The following SGSM2 variants were observed in gnomAD, a reference collection of about 807,000 sequenced individuals.
SGSM2 encodes the protein RUN and TBC1 domain containing 1.
SGSM2 carries 89 observed loss-of-function variants against 126.6 expected under a neutral mutation model. That is an observed-to-expected ratio of 0.70 (90% CI 0.59 to 0.84). The LOEUF is 0.84. SGSM2 is among the 40% of genes least tolerant of loss of function. SGSM2 has a pLI of 0.00. For missense variants in SGSM2, 1,404 were observed against 1,416.6 expected (o/e 0.99, Z 0.14); for synonymous variants, 614 against 574.3 (o/e 1.07, Z -0.99).
chr17:2,343,613 T>G lies in SGSM2; in HGVS notation c.126T>G (p.Ala42=), dbSNP rs772072333. The G allele has an allele frequency of 6.2e-7, 1 of 1,613,852 alleles. No homozygotes were observed. The highest frequency in any genetic ancestry group is 1.1e-5 in the South Asian group (1 of 91,068). Residue 42 remains alanine, a synonymous_variant, in exon 2 of 24, where the codon GCT becomes GCG. Coordinates refer to ENST00000268989, the MANE Select transcript of SGSM2 (RefSeq NM_014853.3). The stretch of plus-strand genomic sequence containing the variant: ...ATGAAGACAGCAGCCACATCATTGC[T>G]TTATGTGGTGAGTGAGTGACTGAAG... ...FVHEDSSHII[A]LCGAVEACLL...
Position 2,362,937 on chromosome 17 carries a change from G to C in SGSM2, c.526+32G>C. On this transcript the variant is annotated intron_variant, in intron 5 of 23. Coordinates refer to ENST00000268989, the MANE Select transcript of SGSM2 (RefSeq NM_014853.3). This position sits in a 1 kb window ranked among gnomAD's most constrained non-coding sequence, Gnocchi z 4.9. ...CTGAGAGCACAGGCACAGTGGGTAC[G>C]GGGCAGGTGCTGAGGGAGCATCGTC... 7 of 1,614,116 alleles carry C rather than the reference G, an allele frequency of 4.3e-6. No homozygotes were observed. Among genetic ancestry groups the C allele is most frequent in the Non-Finnish European group, 5.9e-6 (7 of 1,180,010 alleles).
chr17:2,375,433 C>A, intron 17 of SGSM2, 59 bp from the exon 18 acceptor site: 2 of 1,536,576 alleles, frequency 1.3e-6, no homozygotes, highest in South Asian at 1.3e-5. Context: ...CCCGAGGAGG[C>A]GGTGGGCTGC....
chr17:2,354,524 G>T (rs2065009548), intron 2 of SGSM2, among the ~76,000 whole-genome samples: 1 of 152,210 alleles, frequency 6.6e-6, no homozygotes, highest in African/African-American at 2.4e-5. Context: ...TGCTAGAGAT[G>T]TACCATATTT....
intron 2 of SGSM2, among the ~76,000 whole-genome samples, chr17:2,360,829 G>C (rs1466872170): frequency 6.6e-6 from 1 of 152,230 alleles, no homozygotes; most frequent in Non-Finnish European, 1.5e-5. Context: ...TGGAGCCCTG[G>C]GTCCTCATCC....
intron 13 of SGSM2, chr17:2,371,863 A>C (rs1597381624): frequency 2.4e-6 from 1 of 419,822 alleles, no homozygotes; most frequent in Non-Finnish European, 4.3e-6. Flanking sequence ...GTTCTCTTTT[A>C]CCTTTACTTC....
chr17:2,376,088 C>T (rs748228932), intron 18 of SGSM2, 49 bp from the exon 19 acceptor site: 2 of 1,611,938 alleles, frequency 1.2e-6, no homozygotes, highest in Non-Finnish European at 1.7e-6. Context: ...TGCCCCCAGC[C>T]TGGGAAGGGC....
chr17:2,375,342 C>G, intron 17 of SGSM2, 150 bp from the exon 18 acceptor site: 1 of 981,380 alleles, frequency 1.0e-6, no homozygotes, highest in African/African-American at 1.6e-5. Flanking sequence ...CAGAAGCTGG[C>G]TTGGTGCCCC....
rs768741016 is a variant in SGSM2 at position 2,363,692 on chromosome 17, T to G, written c.807+93T>G. ...CATGGCTATTCCTTTCCTGAGGAGC[T>G]TGACCAGAGACGGGGGGGAGAATGG... On this transcript the variant is annotated intron_variant, in intron 7 of 23. Transcript: ENST00000268989. The surrounding 1 kb of genome is among the most constrained non-coding windows in gnomAD (Gnocchi z 4.2). 10 of 1,525,550 alleles carry G rather than the reference T, an allele frequency of 6.6e-6. No homozygotes were observed. The African/African-American group carries it at 1.2e-4, about 19-fold the overall frequency. 94.5% of individuals were successfully genotyped at this position (1,525,550 alleles called of 1,614,324 possible).
Position 2,364,971 on chromosome 17 carries a change from C to T in SGSM2, c.1075C>T (p.His359Tyr). 1 of 1,613,638 alleles carries T rather than the reference C, an allele frequency of 6.2e-7. No individual in the cohort carries two copies. Among genetic ancestry groups the T allele is most frequent in the Non-Finnish European group, 8.5e-7 (1 of 1,180,042 alleles). ...RPPLHFPQGGHLLSFLSCLEN... is the reference protein window; with the variant it reads ...RPPLHFPQGGYLLSFLSCLEN... ...GCCGCTGCATTTCCCACAGGGAGGA[C>T]ACCTGCTGTCCTTTCTGTCCTGTCT... Residue 359 changes from histidine (H) to tyrosine (Y), a missense_variant, in exon 10 of 24, where the codon CAC becomes TAC. By Grantham distance (83) the His-to-Tyr change is moderately conservative. Coordinates refer to ENST00000268989, the MANE Select transcript of SGSM2 (RefSeq NM_014853.3).
intron 2 of SGSM2, among the ~76,000 whole-genome samples, chr17:2,348,487 G>A (rs551357161): frequency 2.6e-5 from 4 of 152,144 alleles, no homozygotes; most frequent in Non-Finnish European, 5.9e-5. Flanking sequence ...AATGATCTAA[G>A]AGGAAGGAGG....
At chr17:2,359,002 C>T (rs1038597948) in intron 2 of SGSM2, among the ~76,000 whole-genome samples, 1 of 151,872 alleles carries the variant, frequency 6.6e-6, no homozygotes, top group Non-Finnish European at 1.5e-5. Flanking sequence ...CTCAGCCTCC[C>T]AGGTAGCTGG....
At chr17:2,349,378 A>AT in intron 2 of SGSM2, among the ~76,000 whole-genome samples, 1 of 151,536 alleles carries the variant, frequency 6.6e-6, no homozygotes, top group Non-Finnish European at 1.5e-5. Flanking sequence ...TGGTCTAAAA[A>AT]AAAAAAGTGA....
intron 12 of SGSM2, among the ~76,000 whole-genome samples, chr17:2,370,196 C>T (rs1005687790): frequency 6.6e-6 from 1 of 152,238 alleles, no homozygotes; most frequent in African/African-American, 2.4e-5. Flanking sequence ...CACGGCTCTC[C>T]ATCCCTGTTC....
intron 2 of SGSM2, among the ~76,000 whole-genome samples, chr17:2,346,942 C>T (rs989589500): frequency 6.6e-6 from 1 of 151,884 alleles, no homozygotes; most frequent in Non-Finnish European, 1.5e-5. Flanking sequence ...ATAAATAACT[C>T]GCTGGGCATG....
chr17:2,339,821 A>G (rs1414733805), intron 1 of SGSM2, among the ~76,000 whole-genome samples: 1 of 151,618 alleles, frequency 6.6e-6, no homozygotes, highest in African/African-American at 2.4e-5. Flanking sequence ...GTAAAGATGT[A>G]GTTGAAGCCA....
intron 17 of SGSM2, 182 bp downstream of exon 17, chr17:2,373,695 T>A (rs2065993866): frequency 3.3e-6 from 2 of 601,942 alleles, no homozygotes; most frequent in Non-Finnish European, 5.9e-6. Flanking sequence ...TGCCTACTTC[T>A]CTGGGTATTG....
chr17:2,365,928 T>C (rs2065558442), intron 11 of SGSM2, among the ~76,000 whole-genome samples: 1 of 152,014 alleles, frequency 6.6e-6, no homozygotes, highest in Admixed American at 6.5e-5. Flanking sequence ...GTATTTTTAG[T>C]AGAGATGGGG....
chr17:2,367,517 C>T lies in SGSM2; in HGVS notation c.1423+112C>T. On this transcript the variant is annotated intron_variant, in intron 12 of 23. Transcript: ENST00000268989. This position sits in a 1 kb window ranked among gnomAD's most constrained non-coding sequence, Gnocchi z 4.0. ...CAGTGTTGGCATTAGGGGACTTGCA[C>T]CCAGGGCAGTTCCCTTCCATCGGGG... 2 of 1,241,428 alleles carry T rather than the reference C, an allele frequency of 1.6e-6. No individual in the cohort carries two copies. Among genetic ancestry groups the T allele is most frequent in the Non-Finnish European group, 2.3e-6 (2 of 885,788 alleles). 76.9% of individuals were successfully genotyped at this position (1,241,428 alleles called of 1,614,324 possible).
At chr17:2,343,663 C>G in intron 2 of SGSM2, 43 bp downstream of exon 2, 4 of 1,568,468 alleles carry the variant, frequency 2.6e-6, no homozygotes, top group Non-Finnish European at 3.5e-6. Flanking sequence ...GGTCTAGAGC[C>G]GAGGACACTG....
Sources: gnomAD v4.1 joint callset for allele counts (sites outside exome capture counted in the v4.1 genomes callset) on GRCh38, gnomAD v4.1.1 for gene constraint, Gnocchi (gnomAD v3.1) non-coding constraint, MANE v1.5 for transcripts, NCBI Gene and HGNC (gene_info 2026-07-23, HGNC 2026-07-21) for gene names.